Variants in PRKN observed in about 807,000 individuals in gnomAD.
The protein encoded by PRKN is E3 ubiquitin-protein ligase parkin.
A neutral mutation model predicts 59.5 loss-of-function variants in PRKN; 56 were observed. The observed-to-expected ratio is 0.94, with a 90% CI of 0.76 to 1.18. The LOEUF (loss-of-function observed/expected upper bound fraction) is 1.18. PRKN is among the 50% of genes most tolerant of loss of function. The pLI, the probability that PRKN is intolerant of heterozygous loss-of-function variation, is 0.00. For missense variants in PRKN, 657 were observed against 596.4 expected (o/e 1.10, Z -1.06); for synonymous variants, 250 against 222.1 (o/e 1.13, Z -1.12).
At chr6:161,829,994 T>C (rs1486477749) in intron 6 of PRKN, among the ~76,000 whole-genome samples, 1 of 152,168 alleles carries the variant, frequency 6.6e-6, no homozygotes, top group Non-Finnish European at 1.5e-5. Context: ...TTCATGTTGG[T>C]GCCCTGCTTC....
chr6:162,556,378 T>C (rs998032481), intron 1 of PRKN, among the ~76,000 whole-genome samples: 54 of 141,940 alleles, frequency 3.8e-4, no homozygotes, highest in East Asian at 1.7e-3. Context: ...TGTGTGTGTG[T>C]GTGTGTGTGT....
At position 161,360,315 on chromosome 6, in the gene PRKN, C is replaced by T. The variant is rs1034293314; in HGVS notation, c.1168-110G>A. On this transcript the variant is annotated intron_variant, in intron 10 of 11. Coordinates refer to ENST00000366898, the MANE Select transcript of PRKN (RefSeq NM_004562.3). The surrounding 1 kb of genome is among the most constrained non-coding windows in gnomAD (Gnocchi z 5.1). ...AAATTCTTGAAGACAGGAGTGCCTT[C>T]GGGCAAGAAGCCTAAATATCAATGC... The T allele has an allele frequency of 2.1e-5, 18 of 875,548 alleles. No homozygotes were observed. Among genetic ancestry groups the T allele is most frequent in the South Asian group, 5.4e-5 (4 of 74,748 alleles). 54.2% of individuals were successfully genotyped at this position (875,548 alleles called of 1,614,324 possible). A position where few individuals can be genotyped will look rare whatever the true frequency, so the allele number is the denominator to read the frequency against.
intron 3 of PRKN, among the ~76,000 whole-genome samples, chr6:162,235,828 G>A (rs1778632857): frequency 6.7e-6 from 1 of 148,504 alleles, no homozygotes; most frequent in Admixed American, 6.8e-5. Context: ...GAAAGAGAGA[G>A]AGAGGGAGGG....
chr6:162,074,159 C>A (rs1778712900), intron 4 of PRKN, among the ~76,000 whole-genome samples: 1 of 140,760 alleles, frequency 7.1e-6, no homozygotes, highest in African/African-American at 2.7e-5. Context: ...ATAAATCATG[C>A]TGCTATAAAG....
rs1315977062 is a variant in PRKN, at chr6:161,584,433, A to C, written c.872-15017T>G. Among the ~76,000 whole-genome samples, 3 of 152,214 alleles carry C rather than the reference A, an allele frequency of 2.0e-5. No homozygotes were observed. Among genetic ancestry groups the C allele is most frequent in the Non-Finnish European group, 2.9e-5 (2 of 68,032 alleles). On this transcript the variant is annotated intron_variant, in intron 7 of 11. Coordinates refer to ENST00000366898, the MANE Select transcript of PRKN (RefSeq NM_004562.3). This position sits in a 1 kb window ranked among gnomAD's most constrained non-coding sequence, Gnocchi z 4.8. ...AAAAATCTATTTTGTAAGATTAGTT[A>C]ATTTAATATAATAATAGTTCTTCTA...
chr6:162,270,539 A>T (rs10455790), intron 2 of PRKN, among the ~76,000 whole-genome samples: 60,916 of 151,894 alleles, frequency 0.4, 14,736 homozygotes, highest in African/African-American at 0.68. Context: ...AAGGCTGTCA[A>T]ACTTTCTAAT....
intron 1 of PRKN, among the ~76,000 whole-genome samples, chr6:162,478,452 G>C (rs571548843): frequency 3.3e-5 from 5 of 152,232 alleles, no homozygotes; most frequent in African/African-American, 4.8e-5. Flanking sequence ...ATCTAACACA[G>C]AGCTTGCAAT....
chr6:162,246,771 A>G (rs865896570), intron 3 of PRKN, among the ~76,000 whole-genome samples: 2 of 152,154 alleles, frequency 1.3e-5, no homozygotes, highest in East Asian at 1.9e-4. Context: ...CTATTTTTCA[A>G]TCACAAAATC....
intron 2 of PRKN, among the ~76,000 whole-genome samples, chr6:162,346,813 T>C (rs1784422697): frequency 1.3e-5 from 2 of 152,130 alleles, no homozygotes; most frequent in Admixed American, 6.6e-5. Flanking sequence ...GACTATTTCA[T>C]GTTACTCCAG....
At chr6:162,450,429 T>TAAACGC (rs1562774367) in intron 1 of PRKN, among the ~76,000 whole-genome samples, 13 of 150,654 alleles carry the variant, frequency 8.6e-5, no homozygotes, top group Middle Eastern at 3.4e-3. Context: ...CCTGTGATTG[T>TAAACGC]CTTCCTCCTG....
intron 2 of PRKN, among the ~76,000 whole-genome samples, chr6:162,408,429 A>G (rs781074386): frequency 1.3e-5 from 2 of 152,166 alleles, no homozygotes; most frequent in Non-Finnish European, 2.9e-5. Flanking sequence ...AATGCCCTCA[A>G]TATGATTTTG....
intron 7 of PRKN, among the ~76,000 whole-genome samples, chr6:161,628,263 A>G (rs1783166631): frequency 6.6e-6 from 1 of 152,244 alleles, no homozygotes; most frequent in East Asian, 1.9e-4. Flanking sequence ...GTAACAAGAT[A>G]CTATAGACTG....
intron 1 of PRKN, among the ~76,000 whole-genome samples, chr6:162,558,453 C>T (rs528403084): frequency 5.5e-4 from 83 of 152,038 alleles, no homozygotes; most frequent in African/African-American, 1.9e-3. Context: ...CCTCAGCCTC[C>T]CAGGTAGCTG....
rs535611910 is a variant in PRKN, at chr6:161,433,734, A to C, written c.1084-46857T>G. Among the ~76,000 whole-genome samples, 46 of 152,246 alleles carry C rather than the reference A, an allele frequency of 3.0e-4. 1 individual carries two copies. In the South Asian group the frequency reaches 8.3e-3, roughly 27 times the overall value. The stretch of plus-strand genomic sequence containing the variant: ...CTTTTATAAAATATTTGTCAGTATT[A>C]GGCTGAGCACTGTGGCTGTCACCTG... On this transcript the variant is annotated intron_variant, in intron 9 of 11. Coordinates refer to ENST00000366898, the MANE Select transcript of PRKN (RefSeq NM_004562.3).
intron 2 of PRKN, among the ~76,000 whole-genome samples, chr6:162,307,429 A>G (rs1782284788): frequency 6.6e-6 from 1 of 151,478 alleles, no homozygotes. Flanking sequence ...CACCAACTAG[A>G]TATAACTAAG....
intron 1 of PRKN, among the ~76,000 whole-genome samples, chr6:162,518,430 A>G (rs1355241349): frequency 1.3e-5 from 2 of 152,140 alleles, no homozygotes; most frequent in Non-Finnish European, 2.9e-5. Context: ...CTGTGGCGCA[A>G]TCTCGGCTCA....
chr6:162,271,817 A>T (rs898406898), intron 2 of PRKN, among the ~76,000 whole-genome samples: 2 of 152,156 alleles, frequency 1.3e-5, no homozygotes, highest in Non-Finnish European at 2.9e-5. Context: ...TCCTTCATTT[A>T]AAAAAAGGGG....
intron 1 of PRKN, among the ~76,000 whole-genome samples, chr6:162,527,291 G>T (rs1005469435): frequency 6.6e-6 from 1 of 152,220 alleles, no homozygotes; most frequent in Admixed American, 6.5e-5. Flanking sequence ...GTTACAGTGA[G>T]TGTATGATAG....
chr6:162,531,721 A>C lies in PRKN; in HGVS notation c.8-88248T>G, dbSNP rs138869387. ...TCCAGCTGCATGACTCCTAAACCGTAATTTCTAATCTTGTCGCTAATGGTA... is the reference window on the plus strand; with the variant it reads ...TCCAGCTGCATGACTCCTAAACCGTCATTTCTAATCTTGTCGCTAATGGTA... On this transcript the variant is annotated intron_variant, in intron 1 of 11. Coordinates refer to ENST00000366898, the MANE Select transcript of PRKN (RefSeq NM_004562.3). 9.7e-3 allele frequency among the ~76,000 whole-genome samples: 1,484 copies of C among 152,238 alleles called. 10 individuals carry two copies. Among genetic ancestry groups the C allele is most frequent in the Non-Finnish European group, 0.016 (1,069 of 68,004 alleles).
Sources: allele counts gnomAD v4.1 joint callset (sites outside exome capture counted in the v4.1 genomes callset), GRCh38; gene constraint gnomAD v4.1.1; non-coding constraint Gnocchi (gnomAD v3.1); transcripts MANE v1.5; gene names NCBI Gene and HGNC (gene_info 2026-07-23, HGNC 2026-07-21).